The following APC variants were observed in gnomAD, a reference collection of about 807,000 sequenced individuals.
APC encodes the protein adenomatous polyposis coli protein.
In APC, 72 loss-of-function variants were observed where a neutral mutation model predicts 247.0. The observed-to-expected ratio is 0.29, with a 90% CI of 0.24 to 0.35. The LOEUF (loss-of-function observed/expected upper bound fraction) is 0.35. Among genes scored for constraint, APC ranks in the 10% least tolerant of loss-of-function variants. APC has a pLI of 1.00. For synonymous variants in APC, 1,254 were observed against 1,162.5 expected, an observed-to-expected ratio of 1.08 and a Z score of -1.60; for missense variants, 3,400 against 3,360.7, an observed-to-expected ratio of 1.01 and a Z score of -0.29.
chr5:112,837,808 G>A lies in APC; in HGVS notation c.2214G>A (p.Lys738=), dbSNP rs1490335623. Residue 738 remains lysine, a synonymous_variant, in exon 16 of 16, where the codon AAG becomes AAA. Transcript: ENST00000257430. ...TGGCAAATAGGCCTGCGAAGTACAA[G>A]GATGCCAATATTATGTCTCCTGGCT... ...NLMANRPAKY[K]DANIMSPGSS... is the part of the protein sequence containing the mutation. The A allele has an allele frequency of 6.2e-7, 1 of 1,614,014 alleles. No individual in the cohort carries two copies.
At chr5:112,794,518 AAGTC>A (rs1409694278) in intron 7 of APC, among the ~76,000 whole-genome samples, 2 of 152,192 alleles carry the variant, frequency 1.3e-5, no homozygotes, top group Admixed American at 6.5e-5. Context: ...GTAAAAGACA[AAGTC>A]AGTCACAAGA....
upstream of APC, among the ~76,000 whole-genome samples, chr5:112,737,691 G>T (rs996039814): frequency 4.6e-5 from 7 of 152,242 alleles, no homozygotes; most frequent in African/African-American, 1.4e-4. Context: ...CTAGGGCTAG[G>T]CAGGCTGTGC....
At chr5:112,751,058 A>G (rs974081112) in intron 1 of APC, among the ~76,000 whole-genome samples, 4 of 152,034 alleles carry the variant, frequency 2.6e-5, no homozygotes, top group African/African-American at 4.8e-5. Context: ...CTCGTGGTTG[A>G]TCTATTCATG....
chr5:112,720,869 A>G (rs1250522419), intron 1 of APC, among the ~76,000 whole-genome samples: 1 of 152,190 alleles, frequency 6.6e-6, no homozygotes, highest in East Asian at 1.9e-4. Context: ...GTAAAAGTGG[A>G]ATGGAATTGT....
rs548176472 is a variant in APC, at chr5:112,838,908, G to A, written c.3314G>A (p.Arg1105Gln). The stretch of plus-strand genomic sequence containing the variant: ...GAATGTGTTTCTCCATACAGGTCAC[G>A]GGGAGCCAATGGTTCAGAAACAAAT... ...QQECVSPYRS[R>Q]GANGSETNRV... Residue 1105 changes from arginine to glutamine, a missense_variant, in exon 16 of 16, where the codon CGG becomes CAG. Around this residue, in one of 9 missense-constraint regions of APC, gnomAD observed 715 missense variants for 656.6 expected, o/e 1.09. Transcript: ENST00000257430. The A allele has an allele frequency of 9.9e-6, 16 of 1,614,054 alleles. No homozygotes were observed. The highest frequency in any genetic ancestry group is 6.7e-5 in the East Asian group (3 of 44,874).
chr5:112,713,392 C>T (rs1400601570), intron 1 of APC, among the ~76,000 whole-genome samples: 2 of 152,064 alleles, frequency 1.3e-5, no homozygotes, highest in Admixed American at 1.3e-4. Flanking sequence ...GAAGTTTGTC[C>T]TTTCATCTCT....
chr5:112,841,373 C>T lies in APC; in HGVS notation c.5779C>T (p.Leu1927Phe), dbSNP rs730881253. ...AAATCGAGGTCAGCCTAAACCCATA[C>T]TTCAGAAACAATCCACTTTTCCCCA... ...PINRGQPKPI[L>F]QKQSTFPQSS... The change falls in exon 16 of 16, where the codon CTT becomes TTT. Residue 1927 changes from leucine to phenylalanine, a missense_variant. By Grantham distance (22) the Leu-to-Phe change is conservative (BLOSUM62 0). Around this residue, in one of 9 missense-constraint regions of APC, gnomAD observed 1,788 missense variants for 1,649.5 expected, o/e 1.08. Transcript: ENST00000257430. The surrounding 1 kb of genome is among the most constrained non-coding windows in gnomAD (Gnocchi z 4.6). The T allele has an allele frequency of 6.2e-7, 1 of 1,613,610 alleles. No homozygotes were observed. The highest frequency in any genetic ancestry group is 8.5e-7 in the Non-Finnish European group (1 of 1,179,576).
intron 2 of APC, among the ~76,000 whole-genome samples, chr5:112,764,240 C>A (rs1217325260): frequency 8.4e-6 from 1 of 119,376 alleles, no homozygotes; most frequent in Non-Finnish European, 1.8e-5. Flanking sequence ...AGCGAGACTC[C>A]GTCTCAAAAA....
intron 2 of APC, among the ~76,000 whole-genome samples, chr5:112,761,918 A>G (rs1303479135): frequency 6.6e-6 from 1 of 152,212 alleles, no homozygotes; most frequent in Non-Finnish European, 1.5e-5. Context: ...TGTGCTTTTC[A>G]GAAGACTTCA....
intron 10 of APC, 33 bp from the exon 11 acceptor site, chr5:112,821,863 A>G: frequency 6.6e-7 from 1 of 1,507,078 alleles, no homozygotes; most frequent in Non-Finnish European, 9.2e-7. Context: ...CAAATAACAA[A>G]GCATTATGGT....
intron 1 of APC, among the ~76,000 whole-genome samples, chr5:112,724,002 G>A (rs77329310): frequency 0.048 from 7,292 of 152,190 alleles, 446 homozygotes; most frequent in African/African-American, 0.15. Flanking sequence ...GTCAGAGGAT[G>A]AGGAGCTATC....
chr5:112,841,088 G>A lies in APC; in HGVS notation c.5494G>A (p.Asp1832Asn), dbSNP rs1765964836. The change falls in exon 16 of 16, where the codon GAT becomes AAT. Residue 1832 changes from aspartate to asparagine, a missense_variant. This residue lies in a region of APC where 1,788 missense variants were observed against 1,649.5 expected (regional missense o/e 1.08). Transcript: ENST00000257430. This position sits in a 1 kb window ranked among gnomAD's most constrained non-coding sequence, Gnocchi z 4.6. ...CAATGATAAGCTCCCAAATAATGAA[G>A]ATAGAGTCAGAGGAAGTTTTGCTTT... is the stretch of plus-strand genomic sequence containing the variant. ...VFNDKLPNNE[D>N]RVRGSFAFDS... 1.2e-6 allele frequency: 2 copies of A among 1,612,900 alleles called. No homozygotes were observed.
At chr5:112,805,039 G>A (rs1193346332) in intron 8 of APC, among the ~76,000 whole-genome samples, 1 of 151,848 alleles carries the variant, frequency 6.6e-6, no homozygotes, top group African/African-American at 2.4e-5. Context: ...AAGTAAGTAT[G>A]ATCTCATTAT....
intron 6 of APC, among the ~76,000 whole-genome samples, chr5:112,791,119 A>G (rs1401316695): frequency 1.3e-5 from 2 of 152,186 alleles, no homozygotes; most frequent in Non-Finnish European, 1.5e-5. Context: ...CACTTCCACT[A>G]GTATTCATAA....
chr5:112,832,467 T>C (rs1205771184), intron 14 of APC, among the ~76,000 whole-genome samples: 1 of 152,206 alleles, frequency 6.6e-6, no homozygotes, highest in African/African-American at 2.4e-5. Context: ...TCCTAGATTG[T>C]TTTGTTCACT....
intron 7 of APC, among the ~76,000 whole-genome samples, chr5:112,796,352 T>C (rs1323686377): frequency 6.6e-6 from 1 of 152,160 alleles, no homozygotes; most frequent in Non-Finnish European, 1.5e-5. Flanking sequence ...TGAAAGAGAT[T>C]AGAAAGAAAG....
chr5:112,753,925 C>G (rs2149733175), intron 1 of APC, among the ~76,000 whole-genome samples: 1 of 152,192 alleles, frequency 6.6e-6, no homozygotes, highest in Admixed American at 6.5e-5. Flanking sequence ...ATGATTTGAC[C>G]TAAACTAAAA....
In APC at chr5:112,838,732, T is replaced by C. The variant is rs1765342541; in HGVS notation, c.3138T>C (p.Asn1046=). The change falls in exon 16 of 16, where the codon AAT becomes AAC. Residue 1046 remains asparagine (N), a synonymous_variant. Coordinates refer to ENST00000257430, the MANE Select transcript of APC (RefSeq NM_000038.6). ...CTGGAAGGCAAAGTCCTTCACAGAA[T>C]GAAAGATGGGCAAGACCCAAACACA... ...LNSGRQSPSQ[N]ERWARPKHII... The C allele has an allele frequency of 1.2e-6, 2 of 1,614,028 alleles. No individual in the cohort carries two copies. The highest frequency in any genetic ancestry group is 3.3e-5 in the Admixed American group (2 of 60,008).
chr5:112,802,973 G>A (rs1360297876), intron 8 of APC, among the ~76,000 whole-genome samples: 1 of 151,896 alleles, frequency 6.6e-6, no homozygotes, highest in Non-Finnish European at 1.5e-5. Flanking sequence ...AAATTAAAAT[G>A]GGCAAAGGAT....
Sources: gnomAD v4.1 joint callset for allele counts (sites outside exome capture counted in the v4.1 genomes callset) on GRCh38, gnomAD v4.1.1 for gene constraint, gnomAD v4.1.1 regional missense constraint, Gnocchi (gnomAD v3.1) non-coding constraint, MANE v1.5 for transcripts, NCBI Gene and HGNC (gene_info 2026-07-23, HGNC 2026-07-21) for gene names.